The following PACRG variants were observed in gnomAD, a reference collection of about 807,000 sequenced individuals.
PACRG encodes parkin coregulated.
PACRG carries 29 observed loss-of-function variants against 29.7 expected under a neutral mutation model. The ratio of observed to expected loss-of-function variants is 0.98; its 90% confidence interval spans 0.73 to 1.33. The LOEUF is 1.33. Among genes scored for constraint, PACRG ranks in the 40% most tolerant of loss-of-function variants. PACRG has a pLI of 0.00. For missense variants in PACRG, 279 were observed against 316.2 expected (o/e 0.88, Z 0.89); for synonymous variants, 116 against 118.7 (o/e 0.98, Z 0.15).
At chr6:163,016,572 G>A (rs1042540952) in intron 2 of PACRG, among the ~76,000 whole-genome samples, 15 of 151,742 alleles carry the variant, frequency 9.9e-5, no homozygotes, top group African/African-American at 2.7e-4. Context: ...AAAATATTTC[G>A]TCTGGCTTCC....
intron 2 of PACRG, among the ~76,000 whole-genome samples, chr6:162,895,660 A>T (rs1795112388): frequency 6.6e-6 from 1 of 152,236 alleles, no homozygotes; most frequent in African/African-American, 2.4e-5. Flanking sequence ...GACCTGTACA[A>T]TTTGAAAATA....
intron 2 of PACRG, among the ~76,000 whole-genome samples, chr6:162,929,729 C>G (rs1258844029): frequency 6.6e-6 from 1 of 151,948 alleles, no homozygotes; most frequent in African/African-American, 2.4e-5. Context: ...ATTTAAGCCT[C>G]TAATCCATTT....
chr6:162,926,257 T>A (rs906780661), intron 2 of PACRG, among the ~76,000 whole-genome samples: 2 of 152,080 alleles, frequency 1.3e-5, no homozygotes. Flanking sequence ...TCAATGCTAT[T>A]CTCATAAAAC....
In PACRG at chr6:163,191,420, C is replaced by T. The variant is rs139778000; in HGVS notation, c.613+102012C>T. Among the ~76,000 whole-genome samples, 424 of 152,278 alleles carry T rather than the reference C, an allele frequency of 2.8e-3. 3 individuals are homozygous for T. Among genetic ancestry groups the T allele is most frequent in the African/African-American group, 9.7e-3 (401 of 41,546 alleles). On this transcript the variant is annotated intron_variant, in intron 4 of 4. Coordinates refer to ENST00000366888, the MANE Select transcript of PACRG (RefSeq NM_001080379.2). ...ACCTTTATGGCGAGTGGCCCCCCAA[C>T]GCCACGAGGCCTTTCCCCTTCACTG...
chr6:163,266,479 TG>T (rs1266912243), intron 4 of PACRG, among the ~76,000 whole-genome samples: 1 of 152,160 alleles, frequency 6.6e-6, no homozygotes, highest in East Asian at 1.9e-4. Context: ...AGGACAGGGA[TG>T]GAACTTTGGG....
intron 4 of PACRG, among the ~76,000 whole-genome samples, chr6:163,290,571 G>T (rs1215967738): frequency 6.6e-6 from 1 of 152,138 alleles, no homozygotes; most frequent in African/African-American, 2.4e-5. Flanking sequence ...TGGGAACCTG[G>T]GCAAACCACT....
intron 1 of PACRG, among the ~76,000 whole-genome samples, chr6:162,806,154 G>A (rs760671744): frequency 2.4e-4 from 37 of 151,160 alleles, no homozygotes; most frequent in Non-Finnish European, 4.6e-4. Flanking sequence ...TGTTGCCCAG[G>A]CTGGAGTGCA....
intron 4 of PACRG, among the ~76,000 whole-genome samples, chr6:163,269,750 AAG>A (rs781619961): frequency 1.2e-5 from 1 of 82,348 alleles, no homozygotes; most frequent in Non-Finnish European, 2.9e-5. Context: ...GAAAAGAAGA[AAG>A]AGAGAGAGAG....
intron 2 of PACRG, among the ~76,000 whole-genome samples, chr6:162,932,420 A>G (rs1410243267): frequency 2.6e-5 from 4 of 151,982 alleles, no homozygotes; most frequent in Non-Finnish European, 5.9e-5. Context: ...TAAAGCTTCT[A>G]AAAACACACA....
chr6:162,770,554 G>T (rs1458354071), intron 1 of PACRG, among the ~76,000 whole-genome samples: 1 of 151,968 alleles, frequency 6.6e-6, no homozygotes, highest in African/African-American at 2.4e-5. Flanking sequence ...CTCAACTTTT[G>T]CTCTTGATGG....
intron 2 of PACRG, among the ~76,000 whole-genome samples, chr6:163,013,262 GTTTATTTA>G (rs145596005): frequency 8.9e-4 from 133 of 150,188 alleles, no homozygotes; most frequent in African/African-American, 3.0e-3. Context: ...TTGACTTAAA[GTTTATTTA>G]TTTATTTATT....
At chr6:163,314,158 G>A (rs773222725) in intron 4 of PACRG, among the ~76,000 whole-genome samples, 7 of 152,086 alleles carry the variant, frequency 4.6e-5, no homozygotes, top group Non-Finnish European at 8.8e-5. Context: ...ACACCTCCCC[G>A]GACTTGGGGA....
chr6:163,309,095 G>T (rs1402971967), intron 4 of PACRG, among the ~76,000 whole-genome samples: 1 of 152,174 alleles, frequency 6.6e-6, no homozygotes, highest in East Asian at 1.9e-4. Flanking sequence ...GGGAACACAT[G>T]GCAAGGCGAT....
intron 2 of PACRG, among the ~76,000 whole-genome samples, chr6:162,954,667 C>CTG (rs1799891614): frequency 6.6e-6 from 1 of 152,090 alleles, no homozygotes; most frequent in South Asian, 2.1e-4. Flanking sequence ...TTGAGGCTTA[C>CTG]TGTGTACTAG....
chr6:162,759,205 C>T (rs1447624963), intron 1 of PACRG, among the ~76,000 whole-genome samples: 4 of 152,120 alleles, frequency 2.6e-5, no homozygotes, highest in South Asian at 2.1e-4. Flanking sequence ...AAGCAGATTC[C>T]GTTGAAGAAA....
At chr6:163,117,607 T>C (rs1295933099) in intron 4 of PACRG, among the ~76,000 whole-genome samples, 1 of 151,922 alleles carries the variant, frequency 6.6e-6, no homozygotes, top group Non-Finnish European at 1.5e-5. Context: ...CAAAATGAGC[T>C]GGGCTTGGTG....
intron 4 of PACRG, among the ~76,000 whole-genome samples, chr6:163,296,626 TG>T (rs1326609035): frequency 6.6e-6 from 1 of 152,168 alleles, no homozygotes; most frequent in Non-Finnish European, 1.5e-5. Context: ...GGAGAATGTT[TG>T]GGGGCCCAGT....
chr6:162,832,375 A>C (rs1413600133), intron 2 of PACRG, among the ~76,000 whole-genome samples: 1 of 152,088 alleles, frequency 6.6e-6, no homozygotes, highest in Non-Finnish European at 1.5e-5. Flanking sequence ...TTTTTTTAAG[A>C]AAAGACATTT....
At chr6:163,041,761 C>T (rs1216154182) in intron 2 of PACRG, among the ~76,000 whole-genome samples, 1 of 152,162 alleles carries the variant, frequency 6.6e-6, no homozygotes, top group Non-Finnish European at 1.5e-5. Context: ...CAGAATAATC[C>T]ACATATTCAG....
Sources: allele counts gnomAD v4.1 joint callset (sites outside exome capture counted in the v4.1 genomes callset), GRCh38; gene constraint gnomAD v4.1.1; transcripts MANE v1.5; gene names NCBI Gene and HGNC (gene_info 2026-07-23, HGNC 2026-07-21).